The following RBFOX2 variants were observed in gnomAD, a reference collection of about 807,000 sequenced individuals.
RBFOX2 encodes the protein RNA binding protein fox-1 homolog 2.
A neutral mutation model predicts 49.1 loss-of-function variants in RBFOX2; 10 were observed. That is an observed-to-expected ratio of 0.20 (90% CI 0.13 to 0.35). The LOEUF is 0.35. Among genes scored for constraint, RBFOX2 ranks in the 10% least tolerant of loss-of-function variants. RBFOX2 has a pLI of 1.00. For missense variants in RBFOX2, 323 were observed against 486.9 expected (o/e 0.66, Z 3.17); for synonymous variants, 183 against 187.4 (o/e 0.98, Z 0.19).
intron 1 of RBFOX2, among the ~76,000 whole-genome samples, chr22:35,915,248 A>G (rs1247353889): frequency 6.6e-6 from 1 of 152,222 alleles, no homozygotes; most frequent in Non-Finnish European, 1.5e-5. Flanking sequence ...TTGGGGAGAG[A>G]GAAACCCAAT....
chr22:35,810,033 G>C (rs1225814126), intron 1 of RBFOX2, 29 bp from the exon 3 acceptor site: 2 of 1,606,652 alleles, frequency 1.2e-6, no homozygotes, highest in African/African-American at 2.7e-5. Flanking sequence ...GAAAGAAAAA[G>C]TGACTTTGAA....
Position 35,992,870 on chromosome 22 carries a change from T to G in RBFOX2, c.186+35370A>C, listed in dbSNP as rs533756142. On this transcript the variant is annotated intron_variant, in intron 1 of 13. Coordinates refer to the RBFOX2 transcript ENST00000438146. ...ATTCCCTCACATCTTCCACTCAGCCTCGTATGTAAATGAACTCCCCTCCCT... is the reference window on the plus strand; with the variant it reads ...ATTCCCTCACATCTTCCACTCAGCCGCGTATGTAAATGAACTCCCCTCCCT... 3.9e-5 allele frequency: 6 copies of G among 152,238 alleles called. 1 individual carries two copies. The South Asian group carries it at 1.2e-3, about 32-fold the overall frequency. The allele number at this position is 152,238 out of a possible 1,614,324, so 9.4% of individuals were successfully genotyped here.
intron 2 of RBFOX2, among the ~76,000 whole-genome samples, chr22:35,800,291 A>G (rs1603115321): frequency 6.6e-6 from 1 of 152,032 alleles, no homozygotes; most frequent in African/African-American, 2.4e-5. Flanking sequence ...CTGCTCCTCT[A>G]TTCACCCTGC....
At chr22:35,837,419 A>G (rs1392168741) in intron 1 of RBFOX2, among the ~76,000 whole-genome samples, 4 of 152,182 alleles carry the variant, frequency 2.6e-5, no homozygotes, top group Non-Finnish European at 5.9e-5. Context: ...CCACCAGTAT[A>G]GACATTCTAT....
chr22:35,772,814 G>A (rs1602485790), intron 4 of RBFOX2, among the ~76,000 whole-genome samples: 1 of 152,182 alleles, frequency 6.6e-6, no homozygotes, highest in South Asian at 2.1e-4. Context: ...CACCTTTTTA[G>A]TCTGGCCTCA....
At chr22:35,868,463 A>G (rs574878216) in intron 1 of RBFOX2, among the ~76,000 whole-genome samples, 1 of 152,300 alleles carries the variant, frequency 6.6e-6, no homozygotes, top group African/African-American at 2.4e-5. Flanking sequence ...TTAAAATAAG[A>G]TAATAGGCAG....
intron 1 of RBFOX2, among the ~76,000 whole-genome samples, chr22:35,970,320 A>C (rs2056798619): frequency 6.6e-6 from 1 of 152,048 alleles, no homozygotes; most frequent in Admixed American, 6.6e-5. Flanking sequence ...CAGCACTAAA[A>C]TTTTTCATCA....
At chr22:35,746,385 G>C (rs1360429148) in intron 10 of RBFOX2, 88 bp downstream of exon 12, 12 of 1,207,752 alleles carry the variant, frequency 9.9e-6, no homozygotes, top group Non-Finnish European at 1.4e-5. Context: ...GAGCTGCTGT[G>C]GAAATGGTGA....
At chr22:35,793,920 G>T (rs1948261840) in intron 2 of RBFOX2, among the ~76,000 whole-genome samples, 1 of 152,118 alleles carries the variant, frequency 6.6e-6, no homozygotes, top group African/African-American at 2.4e-5. Context: ...GGCATCATTT[G>T]TATATGTAAC....
At chr22:35,846,717 T>A (rs566497084) in intron 1 of RBFOX2, among the ~76,000 whole-genome samples, 1 of 152,208 alleles carries the variant, frequency 6.6e-6, no homozygotes, top group South Asian at 2.1e-4. Context: ...ATAACACCAC[T>A]GCACTCCAGC....
At chr22:35,831,940 C>T (rs766761232) in intron 1 of RBFOX2, among the ~76,000 whole-genome samples, 6 of 152,116 alleles carry the variant, frequency 3.9e-5, no homozygotes, top group African/African-American at 4.8e-5. Context: ...AGATTCCTGC[C>T]AATCAGCTGA....
intron 1 of RBFOX2, among the ~76,000 whole-genome samples, chr22:35,889,603 G>A (rs2047010007): frequency 1.3e-5 from 2 of 151,972 alleles, no homozygotes; most frequent in Admixed American, 1.3e-4. Flanking sequence ...ATCTATGTAG[G>A]TATCTTTTTA....
intron 1 of RBFOX2, among the ~76,000 whole-genome samples, chr22:35,990,027 C>CA (rs1489071014): frequency 6.6e-6 from 1 of 151,942 alleles, no homozygotes; most frequent in Non-Finnish European, 1.5e-5. Context: ...ACTAAAAATA[C>CA]AAAAAATCAG....
At chr22:35,894,816 G>A (rs1335788090) in intron 1 of RBFOX2, among the ~76,000 whole-genome samples, 2 of 152,058 alleles carry the variant, frequency 1.3e-5, no homozygotes, top group African/African-American at 2.4e-5. Context: ...TACTCACCCA[G>A]AGGTACATCA....
chr22:35,768,483 A>C, intron 4 of RBFOX2, 134 bp from the exon 6 acceptor site: 8 of 709,488 alleles, frequency 1.1e-5, no homozygotes, highest in Non-Finnish European at 1.9e-5. Flanking sequence ...TCCCAAAGTC[A>C]CATTTTTGGT....
intron 1 of RBFOX2, among the ~76,000 whole-genome samples, chr22:35,891,773 CTCTT>C (rs1030971887): frequency 1.3e-5 from 2 of 151,640 alleles, no homozygotes; most frequent in African/African-American, 4.9e-5. Flanking sequence ...ATCTGTCTGT[CTCTT>C]TCCCTGTTTT....
At chr22:35,746,490 TGCAGCGGCTGCAGCA>T in exon 10 of RBFOX2, 1 of 1,604,428 alleles carries the variant, frequency 6.2e-7, no homozygotes, top group Non-Finnish European at 8.5e-7. Flanking sequence ...TGTAAGCGGC[TGCAGCGGCTGCAGCA>T]GCGGTGGCTG....
intron 1 of RBFOX2, among the ~76,000 whole-genome samples, chr22:36,019,468 G>C (rs906926714): frequency 7.2e-5 from 11 of 152,352 alleles, no homozygotes; most frequent in Non-Finnish European, 1.5e-4. Context: ...AGGATATAAG[G>C]AAAGCAAGAA....
Position 35,846,330 on chromosome 22 carries a change from TTGTGTG to T in RBFOX2, c.-33-36332_-33-36327del, listed in dbSNP as rs35272106. On this transcript the variant is annotated intron_variant, in intron 1 of 13. Transcript: ENST00000359369. The stretch of plus-strand genomic sequence containing the variant: ...TATATAAGTAAATAAATTTATATAG[TTGTGTG>T]TGTGTGTGTGTGTGTGTGTGTGTGT... Among the ~76,000 whole-genome samples, 1,015 of 140,396 alleles carry T rather than the reference TTGTGTG, an allele frequency of 7.2e-3. 10 individuals carry two copies. Among genetic ancestry groups the T allele is most frequent in the South Asian group, 0.012 (52 of 4,272 alleles). 92.1% of individuals were successfully genotyped at this position (140,396 alleles called of 152,430 possible).
Sources: allele counts gnomAD v4.1 joint callset (sites outside exome capture counted in the v4.1 genomes callset), GRCh38; gene constraint gnomAD v4.1.1; transcripts MANE v1.5; gene names NCBI Gene and HGNC (gene_info 2026-07-23, HGNC 2026-07-21).